ABCA10: variants seen among roughly 807,000 people sequenced by gnomAD.
The protein encoded by ABCA10 is ATP binding cassette subfamily A member 10, also known as ATP-binding cassette sub-family A member 10.
Under a neutral mutation model 187.5 loss-of-function variants are expected in ABCA10, and 169 were observed. The ratio of observed to expected loss-of-function variants is 0.90; its 90% confidence interval spans 0.80 to 1.02. The LOEUF (loss-of-function observed/expected upper bound fraction) is 1.02, where lower values mean the gene tolerates loss of function less well. Among genes scored for constraint, ABCA10 ranks in the 50% least tolerant of loss-of-function variants. The pLI is 0.00. For missense variants in ABCA10, 1,727 were observed against 1,812.4 expected (o/e 0.95, Z 0.86); for synonymous variants, 574 against 601.8 (o/e 0.95, Z 0.68).
chr17:69,229,322 G>T (rs2074815752), upstream of ABCA10, among the ~76,000 whole-genome samples: 2 of 151,950 alleles, frequency 1.3e-5, no homozygotes, highest in Non-Finnish European at 2.9e-5. Flanking sequence ...ATAGTATCTG[G>T]ACTCCAAGAT....
chr17:69,195,510 T>C (rs1377309685), intron 11 of ABCA10, among the ~76,000 whole-genome samples: 2 of 151,372 alleles, frequency 1.3e-5, no homozygotes, highest in Admixed American at 1.3e-4. Context: ...CACAGAAATG[T>C]TTTTGTGTTT....
At position 69,155,685 on chromosome 17, in the gene ABCA10, C is replaced by T. The variant is rs983338244; in HGVS notation, c.3576+120G>A. The stretch of plus-strand genomic sequence containing the variant: ...TTAAAGAGAATAATTTGAATATAAG[C>T]TATAAATAGAAATATTAAAGAAACT... On this transcript the variant is annotated intron_variant, in intron 29 of 38. Coordinates refer to ENST00000690296, the MANE Select transcript of ABCA10 (RefSeq NM_001377321.1). 11 of 1,271,284 alleles carry T rather than the reference C, an allele frequency of 8.7e-6. No individual in the cohort carries two copies. In the African/African-American group the frequency reaches 1.5e-4, roughly 18 times the overall value. The allele number at this position is 1,271,284 out of a possible 1,614,324, so 78.8% of individuals were successfully genotyped here.
At chr17:69,181,651 T>C (rs2074381616) in intron 22 of ABCA10, among the ~76,000 whole-genome samples, 1 of 151,952 alleles carries the variant, frequency 6.6e-6, no homozygotes, top group Non-Finnish European at 1.5e-5. Flanking sequence ...CATAAAACTT[T>C]TGAATTTTAA....
At chr17:69,153,242 A>C (rs1379666130) in intron 34 of ABCA10, 63 bp downstream of exon 34, 5 of 1,524,566 alleles carry the variant, frequency 3.3e-6, no homozygotes, top group Non-Finnish European at 4.4e-6. Flanking sequence ...CAAAACAAAA[A>C]CAAAAACAAA....
intron 9 of ABCA10, among the ~76,000 whole-genome samples, chr17:69,209,716 G>A (rs2074622878): frequency 1.2e-5 from 1 of 81,806 alleles, no homozygotes; most frequent in Non-Finnish European, 2.7e-5. Flanking sequence ...GATACCTTCT[G>A]AGAATGTGTC....
rs765514773 is a variant in ABCA10 at position 69,185,544 on chromosome 17, C to T, written c.2430G>A (p.Met810Ile). The change falls in exon 20 of 39, where the codon ATG (methionine) becomes ATA (isoleucine). Residue 810 changes from methionine (M) to isoleucine (I), a missense_variant. Coordinates refer to ENST00000690296, the MANE Select transcript of ABCA10 (RefSeq NM_001377321.1). ...ETHCWEFSPS[M>I]YFLSLEQIPK... ...GGATTTGTTCCAGAGAAAGGAAATA[C>T]ATACTGGGTGAAAACTCCCAACAAT... is the stretch of plus-strand genomic sequence containing the variant. 1.2e-6 allele frequency: 2 copies of T among 1,613,474 alleles called. No homozygotes were observed. The highest frequency in any genetic ancestry group is 1.7e-5 in the Admixed American group (1 of 60,020).
chr17:69,156,867 A>G lies in ABCA10; in HGVS notation c.3420T>C (p.Tyr1140=), dbSNP rs369957145. The G allele has an allele frequency of 6.3e-7, 1 of 1,590,120 alleles. No individual in the cohort carries two copies. Among genetic ancestry groups the G allele is most frequent in the Non-Finnish European group, 8.6e-7 (1 of 1,168,626 alleles). Residue 1140 remains tyrosine (Y), a synonymous_variant, in exon 28 of 39, where the codon TAT becomes TAC. Coordinates refer to ENST00000690296, the MANE Select transcript of ABCA10 (RefSeq NM_001377321.1). ...LFVIRCLEMK[Y]GNEIMNKDPV... ...GGTCTTTATTCATTATTTCATTTCCATACTTCATTTCCAGACACCTTATGA... is the reference window on the plus strand; with the variant it reads ...GGTCTTTATTCATTATTTCATTTCCGTACTTCATTTCCAGACACCTTATGA...
intron 25 of ABCA10, among the ~76,000 whole-genome samples, chr17:69,167,612 TA>T (rs1272338465): frequency 6.6e-6 from 1 of 151,964 alleles, no homozygotes; most frequent in East Asian, 1.9e-4. Context: ...CCAGAGAAAT[TA>T]ACACAAGACA....
At position 69,154,013 on chromosome 17, in the gene ABCA10, C is replaced by T. The variant is rs2074152527; in HGVS notation, c.3787-4G>A. On this transcript the variant is annotated splice_region_variant and splice_polypyrimidine_tract_variant and intron_variant, in intron 31 of 38. Coordinates refer to ENST00000690296, the MANE Select transcript of ABCA10 (RefSeq NM_001377321.1). Reference sequence around the variant, plus strand: ...CTCTGCTGCCTTGTAACACCACCTGCACAAGACAATGAATGTCAGATTCAC... The same window carrying T: ...CTCTGCTGCCTTGTAACACCACCTGTACAAGACAATGAATGTCAGATTCAC... 6.2e-7 allele frequency: 1 copy of T among 1,611,624 alleles called. No homozygotes were observed.
intron 2 of ABCA10, among the ~76,000 whole-genome samples, chr17:69,226,563 G>C (rs1004694336): frequency 1.3e-5 from 2 of 151,894 alleles, no homozygotes; most frequent in Non-Finnish European, 2.9e-5. Context: ...CAGCATACAA[G>C]AAACTCAACA....
chr17:69,154,036 C>T, intron 31 of ABCA10, 27 bp from the exon 32 acceptor site: 1 of 1,600,332 alleles, frequency 6.2e-7, no homozygotes, highest in Non-Finnish European at 8.5e-7. Context: ...ATGTCAGATT[C>T]ACCTTTGGTT....
chr17:69,195,065 A>T (rs2074488074), intron 11 of ABCA10, among the ~76,000 whole-genome samples: 1 of 152,248 alleles, frequency 6.6e-6, no homozygotes, highest in Non-Finnish European at 1.5e-5. Flanking sequence ...TGTCACAGGC[A>T]TTTTCACATA....
chr17:69,205,773 G>T (rs1464159268), intron 9 of ABCA10, among the ~76,000 whole-genome samples: 1 of 152,168 alleles, frequency 6.6e-6, no homozygotes, highest in Non-Finnish European at 1.5e-5. Context: ...TTGTGCTTCT[G>T]GGCAGTGGGG....
chr17:69,173,413 G>GT (rs1355271027), intron 25 of ABCA10, among the ~76,000 whole-genome samples: 3 of 152,108 alleles, frequency 2.0e-5, no homozygotes, highest in Admixed American at 6.6e-5. Flanking sequence ...CAATGTAACT[G>GT]TAACAGCTCC....
intron 36 of ABCA10, among the ~76,000 whole-genome samples, chr17:69,151,401 A>G (rs2074127265): frequency 6.6e-6 from 1 of 152,218 alleles, no homozygotes; most frequent in East Asian, 1.9e-4. Context: ...TATTCAATAC[A>G]CAGCCGGCAG....
At chr17:69,211,218 G>A (rs2074646262) in intron 9 of ABCA10, among the ~76,000 whole-genome samples, 1 of 149,284 alleles carries the variant, frequency 6.7e-6, no homozygotes, top group South Asian at 2.1e-4. Flanking sequence ...GCAAAAATAG[G>A]GAACCAGCTT....
rs766636991 is a variant in ABCA10, at chr17:69,174,727, G to A, written c.2928C>T (p.Tyr976=). The change falls in exon 24 of 39, where the codon TAC becomes TAT. Residue 976 remains tyrosine (Y), a synonymous_variant. Transcript: ENST00000690296. ...TGTCCACCAGAGCCTGTCCACACCA[G>A]TATGCTGAAGGCCAGAGGCCTGAAA... The part of the protein sequence containing the change: ...LWISGLWPSA[Y]WCGQALVDIP... 3.0e-5 allele frequency: 49 copies of A among 1,607,036 alleles called. 1 individual carries two copies. In the East Asian group the frequency reaches 9.8e-4, roughly 32 times the overall value.
At chr17:69,183,937 C>T (rs2074401001) in intron 20 of ABCA10, among the ~76,000 whole-genome samples, 1 of 152,108 alleles carries the variant, frequency 6.6e-6, no homozygotes, top group Admixed American at 6.6e-5. Context: ...AACCGGAGAG[C>T]CCTGCTTGCT....
intron 17 of ABCA10, 90 bp from the exon 18 acceptor site, chr17:69,190,567 G>A (rs2074452527): frequency 1.7e-6 from 2 of 1,194,230 alleles, no homozygotes; most frequent in Non-Finnish European, 1.1e-6. Flanking sequence ...CAAAATAGAT[G>A]TCTACAAATG....
Sources: allele counts gnomAD v4.1 joint callset (sites outside exome capture counted in the v4.1 genomes callset), GRCh38; gene constraint gnomAD v4.1.1; transcripts MANE v1.5; gene names NCBI Gene and HGNC (gene_info 2026-07-23, HGNC 2026-07-21).